The following CNTN5 variants were observed in gnomAD, a reference collection of about 807,000 sequenced individuals.
The protein encoded by CNTN5 is contactin-5.
In CNTN5, 77 loss-of-function variants were observed where a neutral mutation model predicts 129.1. The ratio of observed to expected loss-of-function variants is 0.60; its 90% CI spans 0.50 to 0.72. The LOEUF (loss-of-function observed/expected upper bound fraction) is 0.72. CNTN5 is among the 30% of genes least tolerant of loss of function. CNTN5 has a pLI of 0.00. For missense variants in CNTN5, 1,478 were observed against 1,328.8 expected (o/e 1.11, Z -1.75); for synonymous variants, 509 against 465.6 (o/e 1.09, Z -1.20).
At chr11:99,544,795 T>C (rs575012787) in intron 2 of CNTN5, among the ~76,000 whole-genome samples, 4 of 152,322 alleles carry the variant, frequency 2.6e-5, no homozygotes, top group African/African-American at 9.6e-5. Context: ...AGAATTCAGA[T>C]TTCTTTACTT....
intron 3 of CNTN5, among the ~76,000 whole-genome samples, chr11:99,624,745 T>C (rs1951069614): frequency 6.6e-6 from 1 of 152,180 alleles, no homozygotes; most frequent in African/African-American, 2.4e-5. Context: ...TTGGCAAATG[T>C]GACTGATACA....
intron 6 of CNTN5, among the ~76,000 whole-genome samples, chr11:99,897,745 CCAAAA>C (rs1174581066): frequency 6.6e-6 from 1 of 152,098 alleles, no homozygotes; most frequent in Non-Finnish European, 1.5e-5. Flanking sequence ...AATTAAAACT[CCAAAA>C]CAACTAGCTA....
At chr11:99,854,409 C>T (rs910359239) in intron 6 of CNTN5, among the ~76,000 whole-genome samples, 1 of 152,138 alleles carries the variant, frequency 6.6e-6, no homozygotes, top group Non-Finnish European at 1.5e-5. Context: ...ATCCAGAGAA[C>T]TCTGTAGGGA....
intron 3 of CNTN5, among the ~76,000 whole-genome samples, chr11:99,806,947 C>G (rs117796863): frequency 0.035 from 5,339 of 151,834 alleles, 138 homozygotes; most frequent in South Asian, 0.1. Flanking sequence ...AAATTGGAAG[C>G]AAAACACTAC....
chr11:99,247,821 A>G (rs1004000251), intron 1 of CNTN5, among the ~76,000 whole-genome samples: 44 of 152,220 alleles, frequency 2.9e-4, no homozygotes, highest in African/African-American at 1.0e-3. Flanking sequence ...ATGGTATTCC[A>G]TGGTGTATAT....
intron 1 of CNTN5, among the ~76,000 whole-genome samples, chr11:99,154,710 C>G (rs546599671): frequency 1.6e-4 from 25 of 152,078 alleles, no homozygotes; most frequent in Non-Finnish European, 2.8e-4. Flanking sequence ...GGTGCTCCGC[C>G]GAGGACCTCC....
At chr11:100,055,769 C>T (rs1382519918) in intron 9 of CNTN5, among the ~76,000 whole-genome samples, 1 of 151,468 alleles carries the variant, frequency 6.6e-6, no homozygotes, top group African/African-American at 2.4e-5. Flanking sequence ...TATTGTATTT[C>T]CTGTGCTTAT....
chr11:99,863,827 T>G (rs1948281472), intron 6 of CNTN5, among the ~76,000 whole-genome samples: 1 of 152,206 alleles, frequency 6.6e-6, no homozygotes, highest in African/African-American at 2.4e-5. Context: ...CAATTCAAAT[T>G]GTATGATCTG....
intron 24 of CNTN5, among the ~76,000 whole-genome samples, chr11:100,354,474 C>T (rs1323706002): frequency 6.6e-6 from 1 of 151,628 alleles, no homozygotes; most frequent in Non-Finnish European, 1.5e-5. Flanking sequence ...CGAAAGATCA[C>T]CATTTTTTGC....
At chr11:99,679,042 T>A (rs1953431646) in intron 3 of CNTN5, among the ~76,000 whole-genome samples, 1 of 147,538 alleles carries the variant, frequency 6.8e-6, no homozygotes, top group Non-Finnish European at 1.5e-5. Context: ...ATAAAATATA[T>A]GCATTTTATA....
In CNTN5 at chr11:99,549,590, A is replaced by G. The variant is rs182070481; in HGVS notation, c.-70-6555A>G. ...GTAGTTCACTGAGGCATTCAAGAATATTTTATAATATTCTCTGTATTACTT... is the reference window on the plus strand; with the variant it reads ...GTAGTTCACTGAGGCATTCAAGAATGTTTTATAATATTCTCTGTATTACTT... On this transcript the variant is annotated intron_variant, in intron 2 of 24. Transcript: ENST00000524871. 1.7e-3 allele frequency among the ~76,000 whole-genome samples: 263 copies of G among 152,188 alleles called. 1 individual carries two copies. Among genetic ancestry groups the G allele is most frequent in the African/African-American group, 5.9e-3 (245 of 41,522 alleles).
chr11:99,089,783 T>G (rs1178230629), intron 1 of CNTN5, among the ~76,000 whole-genome samples: 4 of 152,246 alleles, frequency 2.6e-5, no homozygotes, highest in Non-Finnish European at 5.9e-5. Context: ...ATTTCACATG[T>G]AACTTTACTT....
intron 1 of CNTN5, among the ~76,000 whole-genome samples, chr11:99,034,306 C>G (rs6589853): frequency 6.6e-6 from 1 of 151,564 alleles, no homozygotes; most frequent in African/African-American, 2.4e-5. Context: ...GGAGGATTCC[C>G]TCTTTTTCTA....
intron 23 of CNTN5, among the ~76,000 whole-genome samples, chr11:100,348,088 A>G (rs957011954): frequency 1.3e-5 from 2 of 152,022 alleles, no homozygotes; most frequent in Non-Finnish European, 2.9e-5. Flanking sequence ...TAGTCTTGAC[A>G]ATACATTAGA....
chr11:100,201,238 C>CA (rs769879174), intron 15 of CNTN5, among the ~76,000 whole-genome samples: 2 of 151,828 alleles, frequency 1.3e-5, no homozygotes, highest in Non-Finnish European at 2.9e-5. Flanking sequence ...ACTTCTCATG[C>CA]AAATTTCTAT....
At chr11:100,249,392 TTTTGA>T (rs896328613) in intron 16 of CNTN5, among the ~76,000 whole-genome samples, 2 of 152,152 alleles carry the variant, frequency 1.3e-5, no homozygotes, top group Non-Finnish European at 2.9e-5. Context: ...TGCTCAGGGC[TTTTGA>T]TTTGTCATTT....
rs547344549 is a variant in CNTN5, at chr11:100,064,562, G to A, written c.1162+3169G>A. On this transcript the variant is annotated intron_variant, in intron 10 of 24. Transcript: ENST00000524871. Reference sequence around the variant, plus strand: ...GGAAAAATTAAAATACTAAGTTTTGGAAATAATTTGAACCTTAGCATAAAC... The same window carrying A: ...GGAAAAATTAAAATACTAAGTTTTGAAAATAATTTGAACCTTAGCATAAAC... Among the ~76,000 whole-genome samples, 4 of 152,188 alleles carry A rather than the reference G, an allele frequency of 2.6e-5. 1 individual carries two copies. The South Asian group carries it at 8.3e-4, about 32-fold the overall frequency.
chr11:99,746,356 A>G (rs553535724), intron 3 of CNTN5, among the ~76,000 whole-genome samples: 3 of 152,260 alleles, frequency 2.0e-5, no homozygotes, highest in South Asian at 2.1e-4. Flanking sequence ...GTTCTTGGCA[A>G]TTTATCAAAT....
chr11:99,108,043 G>A (rs967388302), intron 1 of CNTN5, among the ~76,000 whole-genome samples: 28 of 151,458 alleles, frequency 1.8e-4, no homozygotes, highest in Admixed American at 1.3e-3. Context: ...CGTTTGATGT[G>A]TGTATTCCTT....
Sources: allele counts gnomAD v4.1 joint callset (sites outside exome capture counted in the v4.1 genomes callset), GRCh38; gene constraint gnomAD v4.1.1; transcripts MANE v1.5; gene names NCBI Gene and HGNC (gene_info 2026-07-23, HGNC 2026-07-21).